The following COPB1 variants were observed in gnomAD, a reference collection of about 807,000 sequenced individuals.
COPB1 encodes the protein coat protein complex I subunit beta 1.
In COPB1, 21 loss-of-function variants were observed where a neutral mutation model predicts 108.7. The observed-to-expected ratio is 0.19, with a 90% CI of 0.14 to 0.28. The LOEUF is 0.28. Ranked by LOEUF, COPB1 falls within the 10% of genes least tolerant of loss-of-function variation. The probability of loss-of-function intolerance (pLI) is 1.00; values close to 1 mark genes in which losing one functional copy is unlikely to be tolerated. For synonymous variants in COPB1, 378 were observed against 386.8 expected (o/e 0.98, Z 0.27); for missense variants, 919 against 1,141.3 (o/e 0.81, Z 2.81).
In COPB1 at chr11:14,476,827, T is replaced by C. The variant is rs1850530348; in HGVS notation, c.1455+92A>G. On this transcript the variant is annotated intron_variant, in intron 12 of 21. Transcript: ENST00000439561. ...GTTCAAACAAAATCTAACTCAGAAGTGTAAATAATGTAAGCAAATCACTAT... is the reference window on the plus strand; with the variant it reads ...GTTCAAACAAAATCTAACTCAGAAGCGTAAATAATGTAAGCAAATCACTAT... The C allele has an allele frequency of 6.8e-6, 5 of 732,484 alleles. No individual in the cohort carries two copies. In the Admixed American group the frequency reaches 1.2e-4, roughly 17 times the overall value. The allele number at this position is 732,484 out of a possible 1,614,324, so 45.4% of individuals were successfully genotyped here.
intron 11 of COPB1, among the ~76,000 whole-genome samples, chr11:14,477,543 T>C (rs1407474637): frequency 6.9e-6 from 1 of 145,260 alleles, no homozygotes; most frequent in Non-Finnish European, 1.5e-5. Context: ...AATACAAAAA[T>C]CAGCCAGGCA....
intron 11 of COPB1, 77 bp from the exon 12 acceptor site, chr11:14,477,092 C>T (rs1169835079): frequency 9.1e-7 from 1 of 1,097,804 alleles, no homozygotes; most frequent in African/African-American, 1.6e-5. Flanking sequence ...TTAATTTAAG[C>T]TCAAATAAAA....
In COPB1 at chr11:14,494,349, G is replaced by C. The variant is rs1288188939; in HGVS notation, c.182C>G (p.Thr61Ser). Residue 61 changes from threonine (T) to serine (S), a missense_variant, in exon 3 of 22, where the codon ACC becomes AGC. Around this residue, in one of 5 missense-constraint regions of COPB1, gnomAD observed 92 missense variants for 108.4 expected, o/e 0.85. Transcript: ENST00000439561. Reference protein sequence around the residue: ...NGEKLPGLLMTIIRFVLPLQD... With the variant: ...NGEKLPGLLMSIIRFVLPLQD... ...AAGAGGTAGCACAAAACGAATGATG[G>C]TCATCAGAAGTCCAGGAAGTTTTTC... is the stretch of plus-strand genomic sequence containing the variant. 1 of 1,613,198 alleles carries C rather than the reference G, an allele frequency of 6.2e-7. No individual in the cohort carries two copies. The highest frequency in any genetic ancestry group is 1.1e-5 in the South Asian group (1 of 91,054).
chr11:14,498,833 T>C lies in COPB1; in HGVS notation c.91+5A>G. The C allele has an allele frequency of 6.3e-7, 1 of 1,587,136 alleles. No individual in the cohort carries two copies. The highest frequency in any genetic ancestry group is 8.6e-7 in the Non-Finnish European group (1 of 1,168,670). On this transcript the variant is annotated splice_donor_5th_base_variant and intron_variant, in intron 2 of 21. Transcript: ENST00000439561. ...TTTCATTCTCAAAATAATATCGAAG[T>C]TTACCTAGATCATTTTTTAAGCTAA...
At position 14,468,854 on chromosome 11, in the gene COPB1, ATTCT is replaced by A; in HGVS notation, c.1968_1971del (p.Lys656AsnfsTer7). ...TGTACTGTCACATTCCTCTTTTCAG[ATTCT>A]TTCTGTGTTGAGAATATAACAAAGT... On this transcript the variant is annotated frameshift_variant and splice_region_variant, in exon 16 of 22. Transcript: ENST00000439561. LOFTEE classifies it high-confidence loss of function. The A allele has an allele frequency of 6.2e-7, 1 of 1,613,270 alleles. No individual in the cohort carries two copies. Among genetic ancestry groups the A allele is most frequent in the Non-Finnish European group, 8.5e-7 (1 of 1,179,602 alleles).
At chr11:14,474,450 A>ATG in intron 14 of COPB1, 45 bp downstream of exon 14, 1 of 1,582,266 alleles carries the variant, frequency 6.3e-7, no homozygotes, top group Non-Finnish European at 8.6e-7. Flanking sequence ...TATAGTAGGC[A>ATG]CTCAATGTTT....
chr11:14,490,714 A>T, intron 4 of COPB1, 35 bp from the exon 5 acceptor site: 1 of 1,159,692 alleles, frequency 8.6e-7, no homozygotes. Context: ...ATATTTAATA[A>T]AAGCCTACTT....
At chr11:14,479,198 T>C (rs913495472) in intron 11 of COPB1, among the ~76,000 whole-genome samples, 1 of 152,208 alleles carries the variant, frequency 6.6e-6, no homozygotes, top group East Asian at 1.9e-4. Context: ...AAAGGCTCTC[T>C]GAAGGGAAAG....
intron 14 of COPB1, chr11:14,473,863 T>C (rs1375347679): frequency 4.0e-5 from 6 of 150,710 alleles, no homozygotes; most frequent in Non-Finnish European, 7.4e-5. Flanking sequence ...AAAAGCAATA[T>C]GTGCAAAGTA....
intron 18 of COPB1, among the ~76,000 whole-genome samples, chr11:14,463,734 A>G (rs1044183121): frequency 3.3e-5 from 5 of 152,198 alleles, no homozygotes; most frequent in Non-Finnish European, 5.9e-5. Flanking sequence ...ATGTCTCTCT[A>G]AAGTTTGTTC....
At chr11:14,488,616 C>G (rs1455192326) in intron 5 of COPB1, 32 bp from the exon 6 acceptor site, 1 of 1,422,016 alleles carries the variant, frequency 7.0e-7, no homozygotes, top group African/African-American at 1.4e-5. Context: ...TTATCATTCT[C>G]CACCTCATTC....
At chr11:14,466,718 A>G (rs973268794) in intron 16 of COPB1, among the ~76,000 whole-genome samples, 3 of 152,198 alleles carry the variant, frequency 2.0e-5, no homozygotes, top group Admixed American at 6.5e-5. Context: ...GAAAAATGTT[A>G]AATATATTTA....
chr11:14,470,860 C>T (rs1850381916), intron 14 of COPB1, among the ~76,000 whole-genome samples: 1 of 149,920 alleles, frequency 6.7e-6, no homozygotes, highest in Admixed American at 6.7e-5. Context: ...ATTACTGAAA[C>T]CAAGTGAAAA....
chr11:14,483,223 G>T (rs573153365), intron 7 of COPB1, 72 bp from the exon 8 acceptor site: 4 of 938,484 alleles, frequency 4.3e-6, no homozygotes, highest in Non-Finnish European at 6.0e-6. Flanking sequence ...GCATGCGCGC[G>T]CACACCACAC....
intron 14 of COPB1, among the ~76,000 whole-genome samples, chr11:14,471,336 A>C (rs1850397413): frequency 6.6e-6 from 1 of 152,238 alleles, no homozygotes; most frequent in African/African-American, 2.4e-5. Context: ...TCGGTATGTT[A>C]CAAGAAACTG....
chr11:14,467,164 A>C (rs371571725), intron 16 of COPB1, among the ~76,000 whole-genome samples: 1 of 147,330 alleles, frequency 6.8e-6, no homozygotes, highest in African/African-American at 2.5e-5. Flanking sequence ...TAGTATCCAG[A>C]ATATTAATAA....
At chr11:14,492,006 T>G (rs926935813) in intron 4 of COPB1, among the ~76,000 whole-genome samples, 2 of 152,232 alleles carry the variant, frequency 1.3e-5, no homozygotes, top group African/African-American at 4.8e-5. Context: ...CTTCAACAAT[T>G]ATAATTCATA....
Position 14,473,821 on chromosome 11 carries a change from C to T in COPB1, c.1737+674G>A, listed in dbSNP as rs143615567. The stretch of plus-strand genomic sequence containing the variant: ...AACAGACTTGCTCAACTCAGGGTTC[C>T]CACAAACCTTCATTTGTTTAAAAAA... On this transcript the variant is annotated intron_variant, in intron 14 of 21. Transcript: ENST00000439561. Among the ~76,000 whole-genome samples the T allele has an allele frequency of 2.0e-5, 3 of 148,970 alleles. No individual in the cohort carries two copies. In the East Asian group the frequency reaches 5.9e-4, roughly 29 times the overall value.
intron 16 of COPB1, 89 bp from the exon 17 acceptor site, chr11:14,466,515 T>C: frequency 1.5e-6 from 2 of 1,306,742 alleles, no homozygotes; most frequent in South Asian, 3.0e-5. Flanking sequence ...TGGTAGGTTA[T>C]TAACAGAGTT....
Sources: gnomAD v4.1 joint callset for allele counts (sites outside exome capture counted in the v4.1 genomes callset) on GRCh38, gnomAD v4.1.1 for gene constraint, gnomAD v4.1.1 regional missense constraint, MANE v1.5 for transcripts, NCBI Gene and HGNC (gene_info 2026-07-23, HGNC 2026-07-21) for gene names.